EEFSEC: variants seen among roughly 807,000 people sequenced by gnomAD.
EEFSEC encodes the protein selenocysteine-specific elongation factor.
EEFSEC carries 43 observed loss-of-function variants against 42.1 expected under a neutral mutation model. The ratio of observed to expected loss-of-function variants is 1.02; its 90% CI spans 0.80 to 1.32. The LOEUF is 1.32. EEFSEC is among the 40% of genes most tolerant of loss of function. The pLI, the probability that EEFSEC is intolerant of heterozygous loss-of-function variation, is 0.00. For synonymous variants in EEFSEC, 354 were observed against 339.1 expected (o/e 1.04, Z -0.48); for missense variants, 745 against 803.6 (o/e 0.93, Z 0.88).
intron 4 of EEFSEC, among the ~76,000 whole-genome samples, chr3:128,329,421 C>T (rs1041867617): frequency 6.6e-6 from 1 of 152,134 alleles, no homozygotes; most frequent in African/African-American, 2.4e-5. Context: ...CACCCCCCCC[C>T]ACCCCCGCTG....
chr3:128,299,444 T>G (rs2066743053), intron 4 of EEFSEC, among the ~76,000 whole-genome samples: 1 of 152,222 alleles, frequency 6.6e-6, no homozygotes, highest in South Asian at 2.1e-4. Context: ...TTGTTTGTTT[T>G]TTGCTATTAA....
At chr3:128,297,623 G>A (rs2107997107) in intron 4 of EEFSEC, among the ~76,000 whole-genome samples, 1 of 152,256 alleles carries the variant, frequency 6.6e-6, no homozygotes, top group South Asian at 2.1e-4. Context: ...CTCATGTCTC[G>A]GATAGCCTCA....
At chr3:128,203,484 C>A (rs528089006) in intron 1 of EEFSEC, among the ~76,000 whole-genome samples, 26 of 152,312 alleles carry the variant, frequency 1.7e-4, no homozygotes, top group African/African-American at 6.3e-4. Flanking sequence ...GCACTGTCAG[C>A]CACCTCCCTT....
At chr3:128,375,374 C>T (rs2067697371) in intron 6 of EEFSEC, among the ~76,000 whole-genome samples, 2 of 152,208 alleles carry the variant, frequency 1.3e-5, no homozygotes, top group Admixed American at 1.3e-4. Context: ...GCTTGCTAGC[C>T]CCTTACCTCC....
intron 4 of EEFSEC, among the ~76,000 whole-genome samples, chr3:128,269,467 A>C (rs572884633): frequency 6.6e-6 from 1 of 152,330 alleles, no homozygotes; most frequent in East Asian, 1.9e-4. Context: ...GCCAGTGCCT[A>C]TTGGGCACCG....
chr3:128,372,640 G>C (rs2107606302), intron 6 of EEFSEC, among the ~76,000 whole-genome samples: 1 of 152,332 alleles, frequency 6.6e-6, no homozygotes, highest in Non-Finnish European at 1.5e-5. Flanking sequence ...AGCTCCTGCT[G>C]TGTGCCAGAC....
intron 1 of EEFSEC, among the ~76,000 whole-genome samples, chr3:128,173,387 G>A (rs548759438): frequency 6.6e-6 from 1 of 152,316 alleles, no homozygotes; most frequent in Non-Finnish European, 1.5e-5. Context: ...TTTCCAGTCA[G>A]ATTCTTGAAT....
chr3:128,282,679 A>G (rs1030211852), intron 4 of EEFSEC, among the ~76,000 whole-genome samples: 1 of 152,168 alleles, frequency 6.6e-6, no homozygotes. Flanking sequence ...GAAGATTTTC[A>G]TCATCTAGGT....
intron 6 of EEFSEC, among the ~76,000 whole-genome samples, chr3:128,386,947 G>C (rs893307163): frequency 6.6e-6 from 1 of 152,254 alleles, no homozygotes; most frequent in African/African-American, 2.4e-5. Flanking sequence ...TGAGGGGACA[G>C]ACATCCAAAC....
chr3:128,415,636 G>T, the EEFSEC span, among the ~76,000 whole-genome samples: 924 of 152,300 alleles, frequency 6.1e-3, 9 homozygotes, highest in African/African-American at 0.021. Context: ...TGCTGCCCTC[G>T]CCGCCGGGGC....
intron 1 of EEFSEC, among the ~76,000 whole-genome samples, chr3:128,204,215 G>A (rs1274215321): frequency 6.6e-6 from 1 of 152,166 alleles, no homozygotes; most frequent in Non-Finnish European, 1.5e-5. Context: ...GGGATCTTAA[G>A]CTGGTGACTT....
chr3:128,186,698 G>A (rs895845592), intron 1 of EEFSEC, among the ~76,000 whole-genome samples: 1 of 152,162 alleles, frequency 6.6e-6, no homozygotes, highest in African/African-American at 2.4e-5. Flanking sequence ...ATTTGTGTTG[G>A]CACTCTTAAC....
At chr3:128,191,390 A>G (rs1051363131) in intron 1 of EEFSEC, among the ~76,000 whole-genome samples, 1 of 151,932 alleles carries the variant, frequency 6.6e-6, no homozygotes, top group Non-Finnish European at 1.5e-5. Context: ...GGCTCAAGCA[A>G]TCCTCCCACC....
chr3:128,213,631 A>G (rs1292197587), intron 1 of EEFSEC, among the ~76,000 whole-genome samples: 1 of 152,040 alleles, frequency 6.6e-6, no homozygotes, highest in Non-Finnish European at 1.5e-5. Context: ...AGGACCCAGC[A>G]GGGTTGAGGT....
At chr3:128,163,971 T>C (rs1022313158) in intron 1 of EEFSEC, among the ~76,000 whole-genome samples, 1 of 152,018 alleles carries the variant, frequency 6.6e-6, no homozygotes, top group African/African-American at 2.4e-5. Context: ...TTTCTATTGA[T>C]TTCTACTTGT....
chr3:128,378,568 A>AT (rs2067736061), intron 6 of EEFSEC, among the ~76,000 whole-genome samples: 1 of 152,200 alleles, frequency 6.6e-6, no homozygotes, highest in African/African-American at 2.4e-5. Context: ...AGGAACTAGG[A>AT]TGGAGGAGTG....
At chr3:128,187,432 CCTT>C (rs1341219303) in intron 1 of EEFSEC, among the ~76,000 whole-genome samples, 1 of 152,152 alleles carries the variant, frequency 6.6e-6, no homozygotes, top group Non-Finnish European at 1.5e-5. Context: ...TACCTGGAAT[CCTT>C]CTTGTAAACC....
the EEFSEC span, among the ~76,000 whole-genome samples, chr3:128,415,990 G>T: frequency 6.6e-6 from 1 of 152,200 alleles, no homozygotes; most frequent in Non-Finnish European, 1.5e-5. Flanking sequence ...CCAGGTCCTG[G>T]CACAGAGCAG....
intron 6 of EEFSEC, among the ~76,000 whole-genome samples, chr3:128,387,211 G>A (rs1343210129): frequency 1.3e-5 from 2 of 152,190 alleles, no homozygotes; most frequent in African/African-American, 2.4e-5. Context: ...GGACTGGGGG[G>A]CTTTGGCTCA....
Sources: allele counts gnomAD v4.1 joint callset (sites outside exome capture counted in the v4.1 genomes callset), GRCh38; gene constraint gnomAD v4.1.1; transcripts MANE v1.5; gene names NCBI Gene and HGNC (gene_info 2026-07-23, HGNC 2026-07-21).